The following EPHB2 variants were observed in gnomAD, a reference collection of about 807,000 sequenced individuals.
The protein encoded by EPHB2 is ephrin type-B receptor 2.
EPHB2 carries 18 observed loss-of-function variants against 96.4 expected under a neutral mutation model. The observed-to-expected ratio is 0.19, with a 90% CI of 0.13 to 0.28. EPHB2 has a LOEUF of 0.28. Among genes scored for constraint, EPHB2 ranks in the 10% least tolerant of loss-of-function variants. The pLI is 1.00. For missense variants in EPHB2, 989 were observed against 1,355.4 expected, an observed-to-expected ratio of 0.73 and a Z score of 4.25; for synonymous variants, 506 against 534.1, an observed-to-expected ratio of 0.95 and a Z score of 0.72.
intron 3 of EPHB2, among the ~76,000 whole-genome samples, chr1:22,856,914 G>C (rs1010165204): frequency 1.3e-4 from 20 of 152,176 alleles, no homozygotes; most frequent in Admixed American, 9.2e-4. Flanking sequence ...CAAATCCACA[G>C]CCCCTCCCCT....
At chr1:22,907,040 G>C in intron 11 of EPHB2, 83 bp downstream of exon 11, 1 of 1,489,892 alleles carries the variant, frequency 6.7e-7, no homozygotes, top group Non-Finnish European at 8.9e-7. Flanking sequence ...GTCAGAGCCT[G>C]AAGGGGTCTT....
chr1:22,852,311 G>C (rs778240652), intron 3 of EPHB2, among the ~76,000 whole-genome samples: 1 of 152,190 alleles, frequency 6.6e-6, no homozygotes, highest in Non-Finnish European at 1.5e-5. Context: ...ATTTTGGGGA[G>C]GGGGTTCCTG....
In EPHB2 at chr1:22,919,605, C is replaced by T. The variant is rs1309855606; in HGVS notation, c.*6035C>T. 1.3e-5 allele frequency: 2 copies of T among 152,906 alleles called. No individual in the cohort carries two copies. Among genetic ancestry groups the T allele is most frequent in the East Asian group, 3.8e-4 (2 of 5,208 alleles). The allele number at this position is 152,906 out of a possible 1,614,324, so 9.5% of individuals were successfully genotyped here. ...GCCCCACCACCACTACCAAGCCCGG[C>T]TACCCAGACCAAGACACGGCTTTTC... On this transcript the variant is annotated 3_prime_UTR_variant, in exon 16 of 16. Transcript: ENST00000374630.
At chr1:22,896,616 T>G (rs1639572833) in intron 9 of EPHB2, 138 bp downstream of exon 9, 1 of 1,148,024 alleles carries the variant, frequency 8.7e-7, no homozygotes, top group Admixed American at 1.9e-5. Context: ...TGCACTAAGC[T>G]CACTCTCACC....
At chr1:22,896,507 C>T (rs771988748) in intron 9 of EPHB2, 29 bp downstream of exon 9, 1 of 1,613,768 alleles carries the variant, frequency 6.2e-7, no homozygotes, top group Non-Finnish European at 8.5e-7. Context: ...GGGCTGGAAC[C>T]CTTGGGCCCT....
chr1:22,868,887 A>T lies in EPHB2; in HGVS notation c.1303+3675A>T, dbSNP rs1244303633. On this transcript the variant is annotated intron_variant, in intron 5 of 15. Transcript: ENST00000374630. The stretch of plus-strand genomic sequence containing the variant: ...GTTTCCCCACCAAATTGTACATAAG[A>T]ACTATATGTAAGCATGACTTCCAGA... Among the ~76,000 whole-genome samples, 8 of 152,236 alleles carry T rather than the reference A, an allele frequency of 5.3e-5. No individual in the cohort carries two copies. The East Asian group carries it at 1.5e-3, about 29-fold the overall frequency.
At chr1:22,866,740 C>T (rs1338269328) in intron 5 of EPHB2, among the ~76,000 whole-genome samples, 3 of 152,084 alleles carry the variant, frequency 2.0e-5, no homozygotes, top group Non-Finnish European at 4.4e-5. Context: ...TCAAGACCAA[C>T]CTGGCCAACA....
At chr1:22,854,706 G>A (rs1300416619) in intron 3 of EPHB2, among the ~76,000 whole-genome samples, 1 of 152,142 alleles carries the variant, frequency 6.6e-6, no homozygotes, top group Non-Finnish European at 1.5e-5. Flanking sequence ...CCCAGCACTG[G>A]GCACATCCTA....
At position 22,906,976 on chromosome 1, in the gene EPHB2, G is replaced by A. The variant is rs764096856; in HGVS notation, c.2136+19G>A. The stretch of plus-strand genomic sequence containing the variant: ...TCTCCGGGTAGGGGAAGCCAAGAGG[G>A]CCAGGGGCCCATGAATGGGGCAGGA... On this transcript the variant is annotated intron_variant, in intron 11 of 15. Coordinates refer to ENST00000374630, the MANE Select transcript of EPHB2 (RefSeq NM_017449.5). This position sits in a 1 kb window ranked among gnomAD's most constrained non-coding sequence, Gnocchi z 4.8. 5 of 1,592,130 alleles carry A rather than the reference G, an allele frequency of 3.1e-6. No individual in the cohort carries two copies. The highest frequency in any genetic ancestry group is 4.3e-6 in the Non-Finnish European group (5 of 1,167,834).
intron 3 of EPHB2, among the ~76,000 whole-genome samples, chr1:22,825,585 A>G (rs1645211200): frequency 6.6e-6 from 1 of 152,236 alleles, no homozygotes; most frequent in African/African-American, 2.4e-5. Context: ...AGGGAGAACA[A>G]GATGCTCTCT....
chr1:22,814,033 A>G (rs1645038789), intron 3 of EPHB2, among the ~76,000 whole-genome samples: 1 of 152,128 alleles, frequency 6.6e-6, no homozygotes, highest in Non-Finnish European at 1.5e-5. Flanking sequence ...TTAGTAGGAC[A>G]GGGTGGCGGG....
intron 1 of EPHB2, among the ~76,000 whole-genome samples, chr1:22,780,131 G>A (rs1316355235): frequency 6.6e-6 from 1 of 152,218 alleles, no homozygotes; most frequent in African/African-American, 2.4e-5. Context: ...GCTTGAAAGG[G>A]GTCCATTTAA....
intron 1 of EPHB2, among the ~76,000 whole-genome samples, chr1:22,735,156 C>T (rs68133110): frequency 0.18 from 27,305 of 152,024 alleles, 2,584 homozygotes; most frequent in African/African-American, 0.21. Flanking sequence ...GGTACGGTGG[C>T]TCACTCCTAT....
At chr1:22,908,228 A>C in intron 12 of EPHB2, 60 bp downstream of exon 12, 1 of 1,592,750 alleles carries the variant, frequency 6.3e-7, no homozygotes, top group Non-Finnish European at 8.6e-7. Context: ...ATGAGTGTCC[A>C]TCTCTCCCTG....
chr1:22,756,808 A>C (rs1288036878), intron 1 of EPHB2, among the ~76,000 whole-genome samples: 1 of 151,816 alleles, frequency 6.6e-6, no homozygotes, highest in Non-Finnish European at 1.5e-5. Flanking sequence ...CTTAGATATG[A>C]GGAGGCTGTA....
At chr1:22,801,465 G>A (rs977756426) in intron 3 of EPHB2, among the ~76,000 whole-genome samples, 3 of 152,038 alleles carry the variant, frequency 2.0e-5, no homozygotes, top group Non-Finnish European at 2.9e-5. Context: ...AGAACTGCAA[G>A]GGCTTTGTCG....
intron 1 of EPHB2, among the ~76,000 whole-genome samples, chr1:22,767,781 C>T (rs1230502697): frequency 2.0e-5 from 3 of 152,202 alleles, no homozygotes; most frequent in Admixed American, 1.3e-4. Context: ...CCCACCAGCC[C>T]CCATTCCAGA....
At chr1:22,729,879 G>A (rs1344203831) in intron 1 of EPHB2, among the ~76,000 whole-genome samples, 1 of 152,238 alleles carries the variant, frequency 6.6e-6, no homozygotes. Flanking sequence ...CCCCTAGTAA[G>A]TGCTCAACTG....
chr1:22,821,352 G>A (rs1205387572), intron 3 of EPHB2, among the ~76,000 whole-genome samples: 1 of 152,170 alleles, frequency 6.6e-6, no homozygotes, highest in African/African-American at 2.4e-5. Flanking sequence ...AAGGAATAAG[G>A]AGAGGTCAGA....
Sources: allele counts gnomAD v4.1 joint callset (sites outside exome capture counted in the v4.1 genomes callset), GRCh38; gene constraint gnomAD v4.1.1; non-coding constraint Gnocchi (gnomAD v3.1); transcripts MANE v1.5; gene names NCBI Gene and HGNC (gene_info 2026-07-23, HGNC 2026-07-21).